The following ST3GAL3 variants were observed in gnomAD, a reference collection of about 807,000 sequenced individuals.
ST3GAL3 encodes the protein ST3 beta-galactoside alpha-2,3-sialyltransferase 3.
Under a neutral mutation model 50.1 loss-of-function variants are expected in ST3GAL3, and 21 were observed. That is an observed-to-expected ratio of 0.42 (90% CI 0.30 to 0.60). ST3GAL3 has a LOEUF of 0.60. Among genes scored for constraint, ST3GAL3 ranks in the 20% least tolerant of loss-of-function variants. The pLI, the probability that ST3GAL3 is intolerant of heterozygous loss-of-function variation, is 0.19. For missense variants in ST3GAL3, 353 were observed against 489.4 expected (o/e 0.72, Z 2.63); for synonymous variants, 183 against 190.0 (o/e 0.96, Z 0.30).
chr1:43,813,825 G>C (rs940625923), intron 3 of ST3GAL3, among the ~76,000 whole-genome samples: 1 of 151,386 alleles, frequency 6.6e-6, no homozygotes, highest in African/African-American at 2.4e-5. Context: ...GGCCAGCTAA[G>C]AACTGCATTC....
intron 2 of ST3GAL3, among the ~76,000 whole-genome samples, chr1:43,766,409 T>A (rs572368062): frequency 6.6e-6 from 1 of 151,332 alleles, no homozygotes; most frequent in South Asian, 2.1e-4. Context: ...AGTGGCGATT[T>A]AAAAAAAAAT....
At chr1:43,763,599 T>G (rs1691385463) in intron 2 of ST3GAL3, among the ~76,000 whole-genome samples, 1 of 152,214 alleles carries the variant, frequency 6.6e-6, no homozygotes, top group African/African-American at 2.4e-5. Flanking sequence ...AGCTTTGATA[T>G]GTAGCAGTCA....
At chr1:43,804,422 C>T (rs1029879295) in intron 3 of ST3GAL3, among the ~76,000 whole-genome samples, 2 of 152,140 alleles carry the variant, frequency 1.3e-5, no homozygotes, top group Non-Finnish European at 2.9e-5. Flanking sequence ...GGGCCACACA[C>T]AGACTGAATA....
In ST3GAL3 at chr1:43,931,073, C is replaced by G. The variant is rs892330324; in HGVS notation, c.*852C>G. On this transcript the variant is annotated 3_prime_UTR_variant, in exon 12 of 12. Coordinates refer to ENST00000347631, the MANE Select transcript of ST3GAL3 (RefSeq NM_006279.5). ...GTTGGGTTCTGCCTTTAGCCTGGAC[C>G]AAAGGGAAGTGAGGCCCAAGGAGCT... is the stretch of plus-strand genomic sequence containing the variant. 2.0e-5 allele frequency: 3 copies of G among 152,824 alleles called. No homozygotes were observed. The highest frequency in any genetic ancestry group is 4.8e-5 in the African/African-American group (2 of 41,450). The allele number at this position is 152,824 out of a possible 1,614,324, so 9.5% of individuals were successfully genotyped here.
chr1:43,826,567 C>T (rs573861091), intron 4 of ST3GAL3, among the ~76,000 whole-genome samples: 1 of 152,266 alleles, frequency 6.6e-6, no homozygotes, highest in African/African-American at 2.4e-5. Context: ...GCAGAAAGAA[C>T]GCTTTCTAAC....
intron 3 of ST3GAL3, among the ~76,000 whole-genome samples, chr1:43,802,510 T>C (rs949635596): frequency 2.0e-5 from 3 of 152,188 alleles, no homozygotes; most frequent in Non-Finnish European, 4.4e-5. Flanking sequence ...TGGTTGGAGA[T>C]CATAAAAGGC....
chr1:43,929,787 A>G (rs901363012), intron 11 of ST3GAL3, among the ~76,000 whole-genome samples: 1 of 152,180 alleles, frequency 6.6e-6, no homozygotes, highest in Non-Finnish European at 1.5e-5. Flanking sequence ...CAGGGTGTCT[A>G]TAACCTAGGT....
intron 11 of ST3GAL3, among the ~76,000 whole-genome samples, chr1:43,925,075 G>T (rs1020186229): frequency 6.6e-6 from 1 of 151,954 alleles, no homozygotes; most frequent in African/African-American, 2.4e-5. Flanking sequence ...GGATCACCTG[G>T]GGTCAGGAGT....
At chr1:43,900,210 G>A (rs891077823) in intron 9 of ST3GAL3, among the ~76,000 whole-genome samples, 6 of 152,188 alleles carry the variant, frequency 3.9e-5, no homozygotes, top group Admixed American at 2.6e-4. Flanking sequence ...CCTGGGTTCT[G>A]CAGGGACAGC....
intron 1 of ST3GAL3, chr1:43,727,443 A>G (rs1673485189): frequency 6.6e-6 from 1 of 152,156 alleles, no homozygotes; most frequent in Non-Finnish European, 1.5e-5. Flanking sequence ...CAAGTGAGAG[A>G]AGTGCACTAA....
At chr1:43,719,720 G>T (rs1294696266) in intron 1 of ST3GAL3, among the ~76,000 whole-genome samples, 1 of 73,630 alleles carries the variant, frequency 1.4e-5, no homozygotes, top group Non-Finnish European at 4.4e-5. Flanking sequence ...ATCACTTGAG[G>T]TCAGGAGTTG....
At chr1:43,777,793 A>G (rs1697836972) in intron 2 of ST3GAL3, among the ~76,000 whole-genome samples, 1 of 152,194 alleles carries the variant, frequency 6.6e-6, no homozygotes, top group African/African-American at 2.4e-5. Context: ...TGCACAACAA[A>G]ATAAACTATC....
Position 43,875,941 on chromosome 1 carries a change from CTTCTTCTTCTTATTATTATTA to C in ST3GAL3, c.303-18439_303-18419del, listed in dbSNP as rs1368734054. On this transcript the variant is annotated intron_variant, in intron 5 of 11. Coordinates refer to ENST00000347631, the MANE Select transcript of ST3GAL3 (RefSeq NM_006279.5). ...TCTTCTTCTTCTTCTTCTTCTTCTT[CTTCTTCTTCTTATTATTATTA>C]TTATTATTATTATTATTATTTTTGA... 7.9e-3 allele frequency among the ~76,000 whole-genome samples: 363 copies of C among 45,702 alleles called. 1 individual carries two copies. Among genetic ancestry groups the C allele is most frequent in the East Asian group, 0.032 (49 of 1,554 alleles). 30.0% of individuals were successfully genotyped at this position (45,702 alleles called of 152,430 possible). A position where few individuals can be genotyped will look rare whatever the true frequency, so the allele number is the denominator to read the frequency against.
At chr1:43,865,089 T>C (rs2070995515) in intron 5 of ST3GAL3, among the ~76,000 whole-genome samples, 1 of 151,454 alleles carries the variant, frequency 6.6e-6, no homozygotes, top group South Asian at 2.1e-4. Context: ...CGATCTCGGC[T>C]CACTGCAAGC....
In ST3GAL3 at chr1:43,930,435, GCCAGCAGGCTCCTGGCTGTGC is replaced by G. The variant is rs922482519; in HGVS notation, c.*224_*244del. Reference sequence around the variant, plus strand: ...CAGCATGGGTCCTTGATGCCAGAGGGCCAGCAGGCTCCTGGCTGTGCCCAGCAGGCCCAGCATGCAGGTGGT... The same window carrying G: ...CAGCATGGGTCCTTGATGCCAGAGGGCCAGCAGGCCCAGCATGCAGGTGGT... On this transcript the variant is annotated 3_prime_UTR_variant, in exon 12 of 12. Transcript: ENST00000347631. 1.3e-5 allele frequency: 8 copies of G among 612,788 alleles called. No individual in the cohort carries two copies. The highest frequency in any genetic ancestry group is 2.8e-5 in the East Asian group (1 of 35,714). The allele number at this position is 612,788 out of a possible 1,614,324, so 38.0% of individuals were successfully genotyped here.
intron 2 of ST3GAL3, among the ~76,000 whole-genome samples, chr1:43,761,192 G>A (rs1572322888): frequency 6.6e-6 from 1 of 152,200 alleles, no homozygotes; most frequent in African/African-American, 2.4e-5. Flanking sequence ...GTTGTTGGGG[G>A]TTTTGGGAGC....
intron 2 of ST3GAL3, among the ~76,000 whole-genome samples, chr1:43,762,607 A>G (rs138707765): frequency 3.9e-5 from 6 of 152,162 alleles, no homozygotes; most frequent in African/African-American, 1.4e-4. Flanking sequence ...GAGGATATAA[A>G]CGCTACCATT....
chr1:43,915,167 A>C (rs1057438100), intron 9 of ST3GAL3, among the ~76,000 whole-genome samples: 1 of 152,224 alleles, frequency 6.6e-6, no homozygotes, highest in Non-Finnish European at 1.5e-5. Context: ...TGGCTGGAAC[A>C]GAGACAATCC....
At chr1:43,767,179 A>G (rs1268740303) in intron 2 of ST3GAL3, among the ~76,000 whole-genome samples, 2 of 152,214 alleles carry the variant, frequency 1.3e-5, no homozygotes, top group Non-Finnish European at 2.9e-5. Flanking sequence ...AGGGACGGAC[A>G]GATGCTTGGA....
Sources: allele counts gnomAD v4.1 joint callset (sites outside exome capture counted in the v4.1 genomes callset), GRCh38; gene constraint gnomAD v4.1.1; transcripts MANE v1.5; gene names NCBI Gene and HGNC (gene_info 2026-07-23, HGNC 2026-07-21).